The following PDE4C variants were observed in gnomAD, a reference collection of about 807,000 sequenced individuals.
PDE4C encodes 3',5'-cyclic-AMP phosphodiesterase 4C.
In PDE4C, 50 loss-of-function variants were observed where a neutral mutation model predicts 63.9. The observed-to-expected ratio is 0.78, with a 90% CI of 0.62 to 0.99. The LOEUF (loss-of-function observed/expected upper bound fraction) is 0.99, where lower values mean the gene tolerates loss of function less well. PDE4C is among the 50% of genes least tolerant of loss of function. The pLI is 0.00. For synonymous variants in PDE4C, 377 were observed against 385.1 expected, an observed-to-expected ratio of 0.98 and a Z score of 0.25; for missense variants, 777 against 899.1, an observed-to-expected ratio of 0.86 and a Z score of 1.74.
Position 18,221,309 on chromosome 19 carries a change from C to T in PDE4C, c.339-12G>A. ...TGTCCTCTCCATGTCTGCGAGGAGA[C>T]GGGCCATCAGGGAGAGCTCTCTCCC... On this transcript the variant is annotated splice_polypyrimidine_tract_variant and intron_variant, in intron 2 of 14. Coordinates refer to ENST00000262805, the Ensembl canonical transcript of PDE4C. 1.3e-6 allele frequency: 2 copies of T among 1,539,118 alleles called. No individual in the cohort carries two copies. The highest frequency in any genetic ancestry group is 1.7e-6 in the Non-Finnish European group (2 of 1,144,494).
At chr19:18,239,100 G>C (rs541323799) in intron 1 of PDE4C, among the ~76,000 whole-genome samples, 1 of 152,008 alleles carries the variant, frequency 6.6e-6, no homozygotes, top group East Asian at 1.9e-4. Context: ...TATAAATGCC[G>C]TTCCAATAGT....
chr19:18,220,253 A>C lies in PDE4C; in HGVS notation c.679T>G (p.Ser227Ala). The C allele has an allele frequency of 6.2e-7, 1 of 1,614,070 alleles. No individual in the cohort carries two copies. The highest frequency in any genetic ancestry group is 8.5e-7 in the Non-Finnish European group (1 of 1,180,016). The change falls in exon 7 of 15, where the codon TCC becomes GCC. Residue 227 changes from serine (S) to alanine (A), a missense_variant. This residue lies in a region of PDE4C where 500 missense variants were observed against 597.8 expected (regional missense o/e 0.84). Coordinates refer to ENST00000262805, the Ensembl canonical transcript of PDE4C. This position sits in a 1 kb window ranked among gnomAD's most constrained non-coding sequence, Gnocchi z 5.1. The stretch of plus-strand genomic sequence containing the variant: ...AGGAAGGTCCGGGAGATGTACTCGG[A>C]CACCTGGTTCCCGGAGCGGCTGGTT...
Position 18,220,410 on chromosome 19 carries a change from G to A in PDE4C, c.605C>T (p.Ser202Phe). ...CGATCTGCCCCACCTCACCTTGTTG[G>A]AGGCCATCTCCCCCACCGAGTGCCG... Residue 202 changes from serine (S) to phenylalanine (F), a missense_variant, in exon 6 of 15, where the codon TCC (serine) becomes TTC (phenylalanine). Transcript: ENST00000262805. The surrounding 1 kb of genome is among the most constrained non-coding windows in gnomAD (Gnocchi z 5.1). 1 of 1,614,058 alleles carries A rather than the reference G, an allele frequency of 6.2e-7. No homozygotes were observed. Among genetic ancestry groups the A allele is most frequent in the Non-Finnish European group, 8.5e-7 (1 of 1,179,946 alleles).
chr19:18,233,317 C>G (rs1446030212), exon 1 of PDE4C: 1 of 1,338,172 alleles, frequency 7.5e-7, no homozygotes, highest in Non-Finnish European at 1.0e-6. Flanking sequence ...GAGCTGTCCG[C>G]GCCGGAGGTG....
chr19:18,221,426 G>A, intron 2 of PDE4C, 129 bp from the exon 3 acceptor site: 1 of 877,044 alleles, frequency 1.1e-6, no homozygotes, highest in Non-Finnish European at 1.7e-6. Flanking sequence ...AGTCCCTGGG[G>A]TCCCCTCATG....
At chr19:18,210,189 AT>A (rs987148140), downstream of PDE4C, 7 of 141,474 alleles carry the variant, frequency 4.9e-5, no homozygotes, top group East Asian at 4.2e-4. Context: ...TGCCTGGCTA[AT>A]TTTTTTTTTC....
intron 2 of PDE4C, 125 bp from the exon 3 acceptor site, chr19:18,221,422 T>A: frequency 1.1e-6 from 1 of 936,346 alleles, no homozygotes; most frequent in South Asian, 1.6e-5. Context: ...TCTTAGTCCC[T>A]GGGGTCCCCT....
chr19:18,221,052 G>GCCAGGGCCCCCCCCCCCCCC, intron 4 of PDE4C, 53 bp downstream of exon 4: 36 of 1,245,160 alleles, frequency 2.9e-5, no homozygotes, highest in Non-Finnish European at 3.8e-5. Context: ...CCCGCTTTCC[G>GCCAGGGCCCCCCCCCCCCCC]CCCACCTTGT....
upstream of PDE4C, among the ~76,000 whole-genome samples, chr19:18,249,566 C>A (rs1321730484): frequency 7.0e-6 from 1 of 143,524 alleles, no homozygotes; most frequent in Non-Finnish European, 1.5e-5. Context: ...TAAGCCACTA[C>A]GCCTGGCCCT....
Position 18,232,386 on chromosome 19 carries a change from TGTGTGTGTGTGTGTGTGTGTGTGC to T in PDE4C, c.242+540_242+563del. Among the ~76,000 whole-genome samples the T allele has an allele frequency of 4.1e-5, 2 of 49,192 alleles. 1 individual carries two copies. The highest frequency in any genetic ancestry group is 2.1e-4 in the African/African-American group (2 of 9,370). 32.3% of individuals were successfully genotyped at this position (49,192 alleles called of 152,430 possible). A position where few individuals can be genotyped will look rare whatever the true frequency, so the allele number is the denominator to read the frequency against. Reference sequence around the variant, plus strand: ...TCAAAAATAAAAACGTGTGTGTGTGTGTGTGTGTGTGTGTGTGTGTGTGCGTGTGTGTGTGTATTTATATCCAAG... The same window carrying T: ...TCAAAAATAAAAACGTGTGTGTGTGTGTGTGTGTGTGTATTTATATCCAAG... On this transcript the variant is annotated intron_variant, in intron 1 of 14. Coordinates refer to the PDE4C transcript ENST00000594465.
In PDE4C at chr19:18,218,858, G is replaced by A. The variant is rs372325407; in HGVS notation, c.969+82C>T. On this transcript the variant is annotated intron_variant, in intron 9 of 14. Coordinates refer to ENST00000262805, the Ensembl canonical transcript of PDE4C. The stretch of plus-strand genomic sequence containing the variant: ...AAATGTCAGGGAGGATTTGAAAAAT[G>A]AGTGTCCCTGAGGTCTGTGGTAGGA... The A allele has an allele frequency of 1.8e-5, 18 of 989,016 alleles. No individual in the cohort carries two copies. In the African/African-American group the frequency reaches 2.1e-4, roughly 11 times the overall value. 61.3% of individuals were successfully genotyped at this position (989,016 alleles called of 1,614,324 possible). A position where few individuals can be genotyped will look rare whatever the true frequency, so the allele number is the denominator to read the frequency against.
rs1467687779 is a variant in PDE4C, at chr19:18,218,149, T to C, written c.1234A>G (p.Asn412Asp). 1.9e-6 allele frequency: 3 copies of C among 1,611,162 alleles called. No individual in the cohort carries two copies. In the East Asian group the frequency reaches 6.7e-5, roughly 36 times the overall value. The change falls in exon 11 of 15, where the codon AAC (asparagine) becomes GAC (aspartate). Residue 412 changes from asparagine to aspartate, a missense_variant and splice_region_variant. Asn to Asp is a conservative substitution (Grantham distance 23, BLOSUM62 1). Transcript: ENST00000262805. The stretch of plus-strand genomic sequence containing the variant: ...GCACCCACTTCCCACTCCTACTTAC[T>C]GGTGTTAATCAGAAACTGGTTGGAG...
upstream of PDE4C, among the ~76,000 whole-genome samples, chr19:18,233,952 T>C (rs978280618): frequency 4.6e-5 from 7 of 152,136 alleles, no homozygotes; most frequent in African/African-American, 1.7e-4. Context: ...CCAGAAGGGG[T>C]CTCTTTGGAG....
chr19:18,231,962 C>G (rs111744698), intron 1 of PDE4C, among the ~76,000 whole-genome samples: 33 of 152,150 alleles, frequency 2.2e-4, no homozygotes, highest in African/African-American at 7.5e-4. Context: ...TTCCCTTCCT[C>G]CTACAGGGGA....
chr19:18,226,603 T>G, upstream of PDE4C: 3 of 316,610 alleles, frequency 9.5e-6, no homozygotes, highest in East Asian at 4.9e-5. Context: ...AACTCTCTGC[T>G]CCTTTTTTTT....
exon 1 of PDE4C, chr19:18,233,625 C>T (rs1210750914): frequency 2.3e-6 from 1 of 434,378 alleles, no homozygotes; most frequent in Non-Finnish European, 4.6e-6. Context: ...CCCCCGGGGC[C>T]GAGACGGTGT....
chr19:18,222,293 C>G, exon 2 of PDE4C: 1 of 1,611,966 alleles, frequency 6.2e-7, no homozygotes, highest in Non-Finnish European at 8.5e-7. Flanking sequence ...GGGCCCTCCT[C>G]CCACACGAGA....
At chr19:18,247,250 C>T (rs1969148455) in intron 1 of PDE4C, among the ~76,000 whole-genome samples, 1 of 152,198 alleles carries the variant, frequency 6.6e-6, no homozygotes, top group Non-Finnish European at 1.5e-5. Context: ...CTCTCTGGGC[C>T]TCAGTGGGCC....
At chr19:18,236,587 T>G (rs151289126), upstream of PDE4C, among the ~76,000 whole-genome samples, 16 of 152,244 alleles carry the variant, frequency 1.1e-4, no homozygotes, top group East Asian at 2.9e-3. Context: ...CGATGTGAGG[T>G]CAGGAGCCTC....
Sources: allele counts gnomAD v4.1 joint callset (sites outside exome capture counted in the v4.1 genomes callset), GRCh38; gene constraint gnomAD v4.1.1; regional missense constraint gnomAD v4.1.1; non-coding constraint Gnocchi (gnomAD v3.1); transcripts MANE v1.5; gene names NCBI Gene and HGNC (gene_info 2026-07-23, HGNC 2026-07-21).